Variants in UBR7 observed in about 807,000 individuals in gnomAD.
UBR7 encodes putative E3 ubiquitin-protein ligase UBR7.
In UBR7, 22 loss-of-function variants were observed where a neutral mutation model predicts 57.0. The ratio of observed to expected loss-of-function variants is 0.39; its 90% CI spans 0.28 to 0.55. The LOEUF is 0.55. UBR7 is among the 20% of genes least tolerant of loss of function. UBR7 has a pLI of 0.69. For synonymous variants in UBR7, 167 were observed against 179.8 expected (o/e 0.93, Z 0.57); for missense variants, 395 against 513.2 (o/e 0.77, Z 2.23).
chr14:93,228,472 C>G lies in UBR7; in HGVS notation c.*1437C>G, dbSNP rs1050361019. On this transcript the variant is annotated 3_prime_UTR_variant, in exon 11 of 11. Coordinates refer to ENST00000013070, the MANE Select transcript of UBR7 (RefSeq NM_175748.4). The stretch of plus-strand genomic sequence containing the variant: ...AGCATCTGTGTATTCATTCGAGTGC[C>G]CAATCCCTGGATGAGATGAACTAGG... The G allele has an allele frequency of 2.2e-6, 1 of 454,062 alleles. No individual in the cohort carries two copies. The highest frequency in any genetic ancestry group is 2.3e-5 in the Admixed American group (1 of 42,556). The allele number at this position is 454,062 out of a possible 1,614,324, so 28.1% of individuals were successfully genotyped here. A position where few individuals can be genotyped will look rare whatever the true frequency, so the allele number is the denominator to read the frequency against.
At position 93,228,515 on chromosome 14, in the gene UBR7, G is replaced by A; in HGVS notation, c.*1480G>A. 1 of 454,072 alleles carries A rather than the reference G, an allele frequency of 2.2e-6. No homozygotes were observed. The allele number at this position is 454,072 out of a possible 1,614,324, so 28.1% of individuals were successfully genotyped here. On this transcript the variant is annotated 3_prime_UTR_variant, in exon 11 of 11. Transcript: ENST00000013070. ...GAACTAGGCCTTATAAAAAGTCAAA[G>A]CCTCAAAGAAATGGCACAACCATGT...
chr14:93,227,353 ATC>A lies in UBR7; in HGVS notation c.*320_*321del, dbSNP rs1202031003. On this transcript the variant is annotated 3_prime_UTR_variant, in exon 11 of 11. Transcript: ENST00000013070. ...AAGCAAATTGGTGTCTTGTTTAATGATCTGTTATTTCACTCCCAGATGTGTGT... is the reference window on the plus strand; with the variant it reads ...AAGCAAATTGGTGTCTTGTTTAATGATGTTATTTCACTCCCAGATGTGTGT... 3 of 621,682 alleles carry A rather than the reference ATC, an allele frequency of 4.8e-6. No homozygotes were observed. Among genetic ancestry groups the A allele is most frequent in the African/African-American group, 3.6e-5 (2 of 55,788 alleles). The allele number at this position is 621,682 out of a possible 1,614,324, so 38.5% of individuals were successfully genotyped here.
chr14:93,219,217 G>T lies in UBR7; in HGVS notation c.816G>T (p.Val272=), dbSNP rs542032923. The T allele has an allele frequency of 1.5e-5, 25 of 1,614,150 alleles. No individual in the cohort carries two copies. The South Asian group carries it at 2.5e-4, about 16-fold the overall frequency. ...GSSSESDLQT[V]FKNESLNAES... ...AAAACTTAATTTTATTTCAGACAGT[G>T]TTTAAGAATGAAAGCCTCAACGCAG... The change falls in exon 8 of 11, where the codon GTG becomes GTT. Residue 272 remains valine, a synonymous_variant. Transcript: ENST00000013070.
At chr14:93,222,996 G>A (rs1054895655) in intron 10 of UBR7, among the ~76,000 whole-genome samples, 1 of 152,202 alleles carries the variant, frequency 6.6e-6, no homozygotes, top group African/African-American at 2.4e-5. Context: ...TGCTGGTCCT[G>A]ACCTTGAAGC....
In UBR7 at chr14:93,210,693, A is replaced by T. The variant is rs755748480; in HGVS notation, c.330A>T (p.Glu110Asp). The T allele has an allele frequency of 3.7e-6, 6 of 1,609,744 alleles. No individual in the cohort carries two copies. Among genetic ancestry groups the T allele is most frequent in the Non-Finnish European group, 4.2e-6 (5 of 1,177,284 alleles). ...GAAACAGCAAGTTTAAAAATTTGGA[A>T]TGCAAATTACTTCCTGTAAGTAAGC... Reference protein sequence around the residue: ...DCGNSKFKNLECKLLPDKAKV... With the variant: ...DCGNSKFKNLDCKLLPDKAKV... The change falls in exon 3 of 11, where the codon GAA becomes GAT. Residue 110 changes from glutamate (E) to aspartate (D), a missense_variant. By Grantham distance (45) the Glu-to-Asp change is conservative. Coordinates refer to ENST00000013070, the MANE Select transcript of UBR7 (RefSeq NM_175748.4).
At chr14:93,220,549 T>C in intron 9 of UBR7, 138 bp downstream of exon 9, 1 of 980,424 alleles carries the variant, frequency 1.0e-6, no homozygotes, top group Non-Finnish European at 1.5e-6. Context: ...TTGATTTTCA[T>C]ATTGGTGGGT....
At chr14:93,220,723 A>G (rs1894687461) in intron 9 of UBR7, among the ~76,000 whole-genome samples, 1 of 152,182 alleles carries the variant, frequency 6.6e-6, no homozygotes, top group Non-Finnish European at 1.5e-5. Flanking sequence ...TGAGCAAGGC[A>G]TGTCACCATT....
Position 93,220,397 on chromosome 14 carries a change from T to G in UBR7, c.1109T>G (p.Val370Gly). The G allele has an allele frequency of 6.2e-7, 1 of 1,614,084 alleles. No homozygotes were observed. The highest frequency in any genetic ancestry group is 8.5e-7 in the Non-Finnish European group (1 of 1,179,998). Residue 370 changes from valine to glycine, a missense_variant, in exon 9 of 11, where the codon GTG becomes GGG. By Grantham distance (109) the Val-to-Gly change is moderately radical. Coordinates refer to ENST00000013070, the MANE Select transcript of UBR7 (RefSeq NM_175748.4). Reference protein sequence around the residue: ...TLSSMNRVQQVELICEYNDLK... With the variant: ...TLSSMNRVQQGELICEYNDLK... ...AGCAGCATGAATAGAGTCCAGCAAG[T>G]GGAACTCATTTGTGGTAAATACTGT...
intron 9 of UBR7, among the ~76,000 whole-genome samples, chr14:93,220,799 C>T (rs906685559): frequency 6.6e-5 from 10 of 150,714 alleles, no homozygotes; most frequent in Non-Finnish European, 1.5e-4. Flanking sequence ...TACCCCCAAA[C>T]CCTTGATTGA....
At chr14:93,215,358 A>G in intron 6 of UBR7, 77 bp downstream of exon 6, 1 of 1,187,302 alleles carries the variant, frequency 8.4e-7, no homozygotes, top group South Asian at 1.3e-5. Flanking sequence ...AATTTTTAGC[A>G]ACTATTTTTA....
rs373659074 is a variant in UBR7 at position 93,224,190 on chromosome 14, T to C, written c.1185+1816T>C. ...CCCGCAAAAGGTTAGGTCGTTTTTT[T>C]CTTTGTCATAGATGTGGGAAGAACA... On this transcript the variant is annotated intron_variant, in intron 10 of 10. Transcript: ENST00000013070. 66 of 564,040 alleles carry C rather than the reference T, an allele frequency of 1.2e-4. 1 individual carries two copies. In the Admixed American group the frequency reaches 1.7e-3, roughly 14 times the overall value. The allele number at this position is 564,040 out of a possible 1,614,324, so 34.9% of individuals were successfully genotyped here.
chr14:93,224,372 C>CT lies in UBR7; in HGVS notation c.1185+2022dup, dbSNP rs761189322. ...GAACAATTCCTACTTCCTTACAGTT[C>CT]TTTTTTTTTTTTTTTTTTTTTTTTG... On this transcript the variant is annotated intron_variant, in intron 10 of 10. Coordinates refer to ENST00000013070, the MANE Select transcript of UBR7 (RefSeq NM_175748.4). 6.2e-3 allele frequency among the ~76,000 whole-genome samples: 585 copies of CT among 93,754 alleles called. 13 individuals are homozygous for CT. Among genetic ancestry groups the CT allele is most frequent in the Admixed American group, 0.013 (109 of 8,256 alleles). The allele number at this position is 93,754 out of a possible 152,430, so 61.5% of individuals were successfully genotyped here. A position where few individuals can be genotyped will look rare whatever the true frequency, so the allele number is the denominator to read the frequency against.
At chr14:93,220,210 A>G in intron 8 of UBR7, 39 bp from the exon 9 acceptor site, 1 of 1,584,226 alleles carries the variant, frequency 6.3e-7, no homozygotes, top group Non-Finnish European at 8.6e-7. Flanking sequence ...TCTAATGGGG[A>G]AACTCCTCTT....
chr14:93,210,780 AC>A (rs1894466590), intron 3 of UBR7, 72 bp downstream of exon 3: 1 of 1,283,046 alleles, frequency 7.8e-7, no homozygotes, highest in Non-Finnish European at 1.1e-6. Flanking sequence ...GGGTAAAAAA[AC>A]AAATACCTGT....
Position 93,207,314 on chromosome 14 carries a change from C to A in UBR7, c.23C>A (p.Ala8Asp), listed in dbSNP as rs149784475. ...AGGATGGCCGGAGCCGAGGGCGCCG[C>A]TGGGCGGCAGTCGGAGCTGGAGCCC... is the stretch of plus-strand genomic sequence containing the variant. MAGAEGA[A>D]GRQSELEPVV... The change falls in exon 1 of 11, where the codon GCT becomes GAT. Residue 8 changes from alanine (A) to aspartate (D), a missense_variant. By Grantham distance (126) the Ala-to-Asp change is moderately radical. Coordinates refer to ENST00000013070, the MANE Select transcript of UBR7 (RefSeq NM_175748.4). The A allele has an allele frequency of 3.1e-5, 48 of 1,557,506 alleles. 1 individual carries two copies. The African/African-American group carries it at 6.1e-4, about 20-fold the overall frequency.
At chr14:93,217,960 G>A (rs1566822536) in intron 6 of UBR7, among the ~76,000 whole-genome samples, 1 of 151,874 alleles carries the variant, frequency 6.6e-6, no homozygotes, top group Non-Finnish European at 1.5e-5. Context: ...CAGGCATGCT[G>A]GTGCATGCCT....
At chr14:93,216,804 A>G (rs1331242588) in intron 6 of UBR7, among the ~76,000 whole-genome samples, 1 of 151,692 alleles carries the variant, frequency 6.6e-6, no homozygotes, top group African/African-American at 2.4e-5. Context: ...TAGTAGAGAC[A>G]AGGCTTTTAC....
At chr14:93,213,425 A>T (rs1894529093) in intron 4 of UBR7, among the ~76,000 whole-genome samples, 1 of 151,190 alleles carries the variant, frequency 6.6e-6, no homozygotes, top group East Asian at 2.0e-4. Context: ...CTCCTGCCTC[A>T]GCCTCCTGAG....
rs1305111597 is a variant in UBR7, at chr14:93,227,872, TTGG to T, written c.*842_*844del. 1.4e-6 allele frequency: 1 copy of T among 700,912 alleles called. No individual in the cohort carries two copies. Among genetic ancestry groups the T allele is most frequent in the South Asian group, 1.5e-5 (1 of 67,514 alleles). 43.4% of individuals were successfully genotyped at this position (700,912 alleles called of 1,614,324 possible). On this transcript the variant is annotated 3_prime_UTR_variant, in exon 11 of 11. Coordinates refer to ENST00000013070, the MANE Select transcript of UBR7 (RefSeq NM_175748.4). ...GACCGGGTCTCACCCCTGTGAAATC[TTGG>T]TGGTTTACGAAGTCCTCTGGATTTC...
Sources: allele counts gnomAD v4.1 joint callset (sites outside exome capture counted in the v4.1 genomes callset), GRCh38; gene constraint gnomAD v4.1.1; transcripts MANE v1.5; gene names NCBI Gene and HGNC (gene_info 2026-07-23, HGNC 2026-07-21).